The following C8orf76 variants were observed in gnomAD, a reference collection of about 807,000 sequenced individuals.
C8orf76 encodes chromosome 8 open reading frame 76.
In C8orf76, 46 loss-of-function variants were observed where a neutral mutation model predicts 38.1. That is an observed-to-expected ratio of 1.21 (90% confidence interval 0.95 to 1.54). The LOEUF (loss-of-function observed/expected upper bound fraction) is 1.54, where lower values mean the gene tolerates loss of function less well. Ranked by LOEUF, C8orf76 falls within the 40% of genes most tolerant of loss-of-function variation. C8orf76 has a pLI of 0.00. For synonymous variants in C8orf76, 166 were observed against 167.5 expected, an observed-to-expected ratio of 0.99 and a Z score of 0.07; for missense variants, 461 against 441.6, an observed-to-expected ratio of 1.04 and a Z score of -0.39.
At chr8:123,234,696 G>A (rs952727806) in intron 3 of C8orf76, among the ~76,000 whole-genome samples, 4 of 152,114 alleles carry the variant, frequency 2.6e-5, no homozygotes, top group African/African-American at 9.7e-5. Context: ...TTGAACCCAG[G>A]AGGCGGAGGT....
At chr8:123,236,836 A>C in intron 3 of C8orf76, 1 of 705,014 alleles carries the variant, frequency 1.4e-6, no homozygotes, top group Admixed American at 2.3e-5. Flanking sequence ...GAGGCTGCCG[A>C]GCTCCAGATG....
rs753783530 is a variant in C8orf76, at chr8:123,231,761, A to G, written c.358-4T>C. 4 of 1,553,944 alleles carry G rather than the reference A, an allele frequency of 2.6e-6. No individual in the cohort carries two copies. Among genetic ancestry groups the G allele is most frequent in the Non-Finnish European group, 3.4e-6 (4 of 1,161,110 alleles). On this transcript the variant is annotated splice_region_variant and splice_polypyrimidine_tract_variant and intron_variant, in intron 3 of 5. Transcript: ENST00000276704. ...CTGTGTTGGTTGCTTTATTTTCCTA[A>G]GGAGAAAAAAAAAAGGTTAAGAAGT...
In C8orf76 at chr8:123,241,343, C is replaced by A. The variant is rs754747617; in HGVS notation, c.4G>T (p.Asp2Tyr). The A allele has an allele frequency of 1.3e-6, 2 of 1,558,782 alleles. No individual in the cohort carries two copies. The highest frequency in any genetic ancestry group is 1.7e-6 in the Non-Finnish European group (2 of 1,159,972). ...CCGCCGAACAACCAGCACCCGGAAT[C>A]CATCTCGCGCCCGCGGCGGGGGCAA... MDSGCWLFGGEF... is the reference protein window; with the variant it reads MYSGCWLFGGEF... Residue 2 changes from aspartate to tyrosine, a missense_variant, in exon 1 of 6, where the codon GAT becomes TAT. Physicochemically the swap from Asp to Tyr is radical, Grantham distance 160 (BLOSUM62 -3). Coordinates refer to ENST00000276704, the MANE Select transcript of C8orf76 (RefSeq NM_032847.3).
chr8:123,236,564 G>A (rs1396942392), intron 3 of C8orf76, among the ~76,000 whole-genome samples: 3 of 152,056 alleles, frequency 2.0e-5, no homozygotes, highest in South Asian at 2.1e-4. Flanking sequence ...CGAGGCGGGC[G>A]GATCACAAGG....
intron 3 of C8orf76, among the ~76,000 whole-genome samples, chr8:123,237,571 A>C (rs1376138991): frequency 6.6e-6 from 1 of 152,230 alleles, no homozygotes; most frequent in Non-Finnish European, 1.5e-5. Context: ...TTTTCAGGCA[A>C]TACAGAATTT....
At chr8:123,235,742 C>A (rs891592786) in intron 3 of C8orf76, among the ~76,000 whole-genome samples, 5 of 152,114 alleles carry the variant, frequency 3.3e-5, no homozygotes, top group Non-Finnish European at 7.3e-5. Context: ...TCTGAGCCAC[C>A]GAAACAGATT....
intron 3 of C8orf76, among the ~76,000 whole-genome samples, chr8:123,232,010 G>C (rs1825288220): frequency 6.6e-6 from 1 of 152,148 alleles, no homozygotes; most frequent in Admixed American, 6.5e-5. Context: ...ACAATTCCTA[G>C]ATGGTGGCCT....
At chr8:123,234,015 G>A (rs1417101294) in intron 3 of C8orf76, among the ~76,000 whole-genome samples, 21 of 148,346 alleles carry the variant, frequency 1.4e-4, no homozygotes, top group African/African-American at 5.2e-4. Flanking sequence ...GCAACAGAAC[G>A]AGACTTCATC....
rs186709277 is a variant in C8orf76, at chr8:123,227,827, G to A, written c.816-1195C>T. Among the ~76,000 whole-genome samples the A allele has an allele frequency of 4.6e-4, 70 of 152,242 alleles. No individual in the cohort carries two copies. The South Asian group carries it at 0.014, about 31-fold the overall frequency. ...AAGTGCAATGGGAAGCCATCCGGGC[G>A]TTTCAGAAAGGAGCCTGACCTGACT... is the stretch of plus-strand genomic sequence containing the variant. On this transcript the variant is annotated intron_variant, in intron 4 of 5. Transcript: ENST00000276704.
intron 3 of C8orf76, chr8:123,237,148 C>T: frequency 1.2e-6 from 1 of 801,296 alleles, no homozygotes; most frequent in Non-Finnish European, 2.2e-6. Context: ...GCCTGCACCA[C>T]CCCGTGCTGT....
rs1318779050 is a variant in C8orf76, at chr8:123,241,354, C to G, written c.-8G>C. On this transcript the variant is annotated 5_prime_UTR_variant, in exon 1 of 6. Coordinates refer to ENST00000276704, the MANE Select transcript of C8orf76 (RefSeq NM_032847.3). ...CCAGCACCCGGAATCCATCTCGCGC[C>G]CGCGGCGGGGGCAACGAGGAAGCGG... The G allele has an allele frequency of 1.3e-6, 2 of 1,551,604 alleles. No individual in the cohort carries two copies. The highest frequency in any genetic ancestry group is 1.7e-6 in the Non-Finnish European group (2 of 1,157,566).
intron 5 of C8orf76, among the ~76,000 whole-genome samples, chr8:123,222,194 A>G (rs1393284582): frequency 2.6e-5 from 4 of 151,504 alleles, no homozygotes; most frequent in Non-Finnish European, 5.9e-5. Flanking sequence ...TCACCGTGTT[A>G]CCCAGGATGG....
chr8:123,227,505 G>A (rs1283939168), intron 4 of C8orf76, among the ~76,000 whole-genome samples: 1 of 152,104 alleles, frequency 6.6e-6, no homozygotes, highest in African/African-American at 2.4e-5. Flanking sequence ...AAGACAGGGT[G>A]GACACAGTAA....
chr8:123,231,454 GCAAGGTTTCAGGAAAACA>G lies in C8orf76; in HGVS notation c.643_660del (p.Cys215_Leu220del). 1 of 1,614,150 alleles carries G rather than the reference GCAAGGTTTCAGGAAAACA, an allele frequency of 6.2e-7. No individual in the cohort carries two copies. The highest frequency in any genetic ancestry group is 2.2e-5 in the East Asian group (1 of 44,880). ...TCCACAGAAAATAAAGAGCTCTCAG[GCAAGGTTTCAGGAAAACA>G]CAAAAGACAGTCTTTTCCTGAGTGT... On this transcript the variant is annotated inframe_deletion, in exon 4 of 6. Transcript: ENST00000276704.
At chr8:123,233,718 A>C (rs1231567062) in intron 3 of C8orf76, among the ~76,000 whole-genome samples, 1 of 151,782 alleles carries the variant, frequency 6.6e-6, no homozygotes, top group Non-Finnish European at 1.5e-5. Context: ...TGGATTAGTA[A>C]ACTCCTTCTG....
intron 4 of C8orf76, among the ~76,000 whole-genome samples, chr8:123,229,978 T>C (rs1586804285): frequency 6.6e-6 from 1 of 151,930 alleles, no homozygotes; most frequent in South Asian, 2.1e-4. Context: ...ATCACACCAC[T>C]GCACTCCAGC....
chr8:123,231,184 A>T lies in C8orf76; in HGVS notation c.815+116T>A, dbSNP rs555979261. The T allele has an allele frequency of 3.7e-6, 5 of 1,333,584 alleles. No homozygotes were observed. The African/African-American group carries it at 4.4e-5, about 12-fold the overall frequency. The allele number at this position is 1,333,584 out of a possible 1,614,324, so 82.6% of individuals were successfully genotyped here. A position where few individuals can be genotyped will look rare whatever the true frequency, so the allele number is the denominator to read the frequency against. On this transcript the variant is annotated intron_variant, in intron 4 of 5. Coordinates refer to ENST00000276704, the MANE Select transcript of C8orf76 (RefSeq NM_032847.3). ...AAACGTTCAACACAACCATAGGAAA[A>T]TTTCAAAAATATATACCAAATGTCT...
At chr8:123,228,567 C>T (rs1010823077) in intron 4 of C8orf76, among the ~76,000 whole-genome samples, 1 of 151,656 alleles carries the variant, frequency 6.6e-6, no homozygotes, top group Admixed American at 6.6e-5. Flanking sequence ...TGCGGTGAGC[C>T]GAGATCGCGC....
rs1242826235 is a variant in C8orf76, at chr8:123,222,004, G to A, written c.949-1707C>T. On this transcript the variant is annotated intron_variant, in intron 5 of 5. Coordinates refer to ENST00000276704, the MANE Select transcript of C8orf76 (RefSeq NM_032847.3). ...CTTATTTTTCTTTTTTTTGGGGGGCGGGGGGTCAGAGTCTCACTCTGTCGC... is the reference window on the plus strand; with the variant it reads ...CTTATTTTTCTTTTTTTTGGGGGGCAGGGGGTCAGAGTCTCACTCTGTCGC... Among the ~76,000 whole-genome samples the A allele has an allele frequency of 2.6e-5, 4 of 151,590 alleles. No individual in the cohort carries two copies. In the South Asian group the frequency reaches 6.3e-4, roughly 24 times the overall value.
Sources: allele counts gnomAD v4.1 joint callset (sites outside exome capture counted in the v4.1 genomes callset), GRCh38; gene constraint gnomAD v4.1.1; transcripts MANE v1.5; gene names NCBI Gene and HGNC (gene_info 2026-07-23, HGNC 2026-07-21).